The following TUSC3 variants were observed in gnomAD, a reference collection of about 807,000 sequenced individuals.
TUSC3 encodes dolichyl-diphosphooligosaccharide--protein glycosyltransferase subunit TUSC3.
A neutral mutation model predicts 44.8 loss-of-function variants in TUSC3; 45 were observed. The observed-to-expected ratio is 1.00, with a 90% CI of 0.79 to 1.29. The LOEUF is 1.29. TUSC3 is among the 50% of genes most tolerant of loss of function. The probability of loss-of-function intolerance (pLI) is 0.00; values close to 1 mark genes in which losing one functional copy is unlikely to be tolerated. For synonymous variants in TUSC3, 212 were observed against 152.9 expected (o/e 1.39, Z -2.85); for missense variants, 519 against 437.9 (o/e 1.19, Z -1.65).
At chr8:15,665,976 A>T (rs936951701) in intron 5 of TUSC3, among the ~76,000 whole-genome samples, 1 of 151,428 alleles carries the variant, frequency 6.6e-6, no homozygotes, top group African/African-American at 2.4e-5. Flanking sequence ...ATGGTGGACA[A>T]TAAGCATATA....
chr8:15,453,706 C>T (rs568702828), intron 1 of TUSC3, among the ~76,000 whole-genome samples: 1 of 152,266 alleles, frequency 6.6e-6, no homozygotes, highest in South Asian at 2.1e-4. Context: ...AGTATAATTA[C>T]ACAGAGAATT....
rs541339567 is a variant in TUSC3 at position 15,480,121 on chromosome 8, C to T, written n.92-3265C>T. ...AAGTGAAGGACCTCTTCAAAGAGAA[C>T]TAGGAAAGTAAAGGACCTATTCAAG... On this transcript the variant is annotated intron_variant and non_coding_transcript_variant, in intron 1 of 5. Coordinates refer to the TUSC3 transcript ENST00000503191. Among the ~76,000 whole-genome samples the T allele has an allele frequency of 9.9e-5, 15 of 152,226 alleles. No homozygotes were observed. In the South Asian group the frequency reaches 1.5e-3, roughly 15 times the overall value.
chr8:15,629,857 A>G (rs1035010941), intron 2 of TUSC3, among the ~76,000 whole-genome samples: 1 of 152,018 alleles, frequency 6.6e-6, no homozygotes. Context: ...CTTTTAGCAG[A>G]TAATTCTGCT....
At chr8:15,457,166 G>A (rs1222433797) in intron 1 of TUSC3, among the ~76,000 whole-genome samples, 10 of 130,992 alleles carry the variant, frequency 7.6e-5, no homozygotes, top group East Asian at 5.3e-4. Context: ...GGGGCCTGTT[G>A]TGAGGTGGGG....
intron 1 of TUSC3, among the ~76,000 whole-genome samples, chr8:15,615,997 C>T (rs1804970800): frequency 6.6e-6 from 1 of 152,002 alleles, no homozygotes; most frequent in South Asian, 2.1e-4. Flanking sequence ...AAGACTGGCT[C>T]ATTTAAAAAA....
intron 1 of TUSC3, among the ~76,000 whole-genome samples, chr8:15,611,423 G>A (rs530907455): frequency 2.6e-5 from 4 of 152,222 alleles, no homozygotes; most frequent in East Asian, 1.9e-4. Flanking sequence ...TCCTGACCTC[G>A]TGATCTGCCC....
At chr8:15,569,116 C>A (rs1335907755) in intron 1 of TUSC3, among the ~76,000 whole-genome samples, 1 of 152,074 alleles carries the variant, frequency 6.6e-6, no homozygotes, top group Non-Finnish European at 1.5e-5. Context: ...TCCTTTATTA[C>A]TGTATGATTA....
intron 1 of TUSC3, among the ~76,000 whole-genome samples, chr8:15,566,374 C>G (rs1385351485): frequency 6.6e-6 from 1 of 152,050 alleles, no homozygotes; most frequent in African/African-American, 2.4e-5. Context: ...AGGAAAACAA[C>G]TTTAAATCAT....
intron 1 of TUSC3, among the ~76,000 whole-genome samples, chr8:15,471,544 G>A (rs1256625288): frequency 6.6e-6 from 1 of 151,522 alleles, no homozygotes; most frequent in Non-Finnish European, 1.5e-5. Context: ...GGAAGAGAAT[G>A]AACATTCACA....
chr8:15,801,894 A>G, the TUSC3 span, among the ~76,000 whole-genome samples: 1 of 152,216 alleles, frequency 6.6e-6, no homozygotes, highest in African/African-American at 2.4e-5. Flanking sequence ...GAAATGGGAG[A>G]GAGGATTCAG....
At chr8:15,789,204 G>A in the TUSC3 span, among the ~76,000 whole-genome samples, 2 of 152,082 alleles carry the variant, frequency 1.3e-5, no homozygotes, top group East Asian at 1.9e-4. Flanking sequence ...CCACCGAGGC[G>A]GCTCATGTCA....
chr8:15,500,445 A>G (rs535148540), intron 2 of TUSC3, among the ~76,000 whole-genome samples: 3 of 152,164 alleles, frequency 2.0e-5, no homozygotes, highest in Non-Finnish European at 2.9e-5. Context: ...TTTTTAGTCA[A>G]TCGGAGATCT....
chr8:15,640,161 A>G (rs1315134711), intron 2 of TUSC3, among the ~76,000 whole-genome samples: 1 of 152,134 alleles, frequency 6.6e-6, no homozygotes, highest in Non-Finnish European at 1.5e-5. Context: ...GTAAGTTTGG[A>G]ATTTTGCCAC....
chr8:15,827,750 G>C, the TUSC3 span, among the ~76,000 whole-genome samples: 1 of 152,088 alleles, frequency 6.6e-6, no homozygotes, highest in Non-Finnish European at 1.5e-5. Flanking sequence ...GCCATACCCT[G>C]AGTCTCACTG....
Position 15,687,000 on chromosome 8 carries a change from G to A in TUSC3, c.798+13164G>A, listed in dbSNP as rs560061182. Among the ~76,000 whole-genome samples, 760 of 152,256 alleles carry A rather than the reference G, an allele frequency of 5.0e-3. 1 individual carries two copies. The highest frequency in any genetic ancestry group is 8.7e-3 in the Non-Finnish European group (591 of 68,020). On this transcript the variant is annotated intron_variant, in intron 6 of 10. Coordinates refer to ENST00000503731, the MANE Select transcript of TUSC3 (RefSeq NM_006765.4). ...AGGCAGGAGAATGGCCTGAACCCGG[G>A]AGGCGGAGCTTGCAGTGAGCCGAGA...
Position 15,471,860 on chromosome 8 carries a change from C to T in TUSC3, n.92-11526C>T, listed in dbSNP as rs139025570. On this transcript the variant is annotated intron_variant and non_coding_transcript_variant, in intron 1 of 5. Transcript: ENST00000503191. ...CTCGAACTCCTGACCTCAGGTGATC[C>T]ACCGACCCCTGCCTCCCAAAGTGCT... Among the ~76,000 whole-genome samples the T allele has an allele frequency of 2.0e-3, 304 of 152,142 alleles. 2 individuals carry two copies. The East Asian group carries it at 0.036, about 18-fold the overall frequency.
upstream of TUSC3, among the ~76,000 whole-genome samples, chr8:15,535,844 G>C (rs1801514777): frequency 6.6e-6 from 1 of 152,108 alleles, no homozygotes; most frequent in Non-Finnish European, 1.5e-5. Flanking sequence ...TCAGAGCCTT[G>C]ACCTGAATAA....
intron 2 of TUSC3, among the ~76,000 whole-genome samples, chr8:15,511,955 A>G (rs559622951): frequency 6.6e-6 from 1 of 152,202 alleles, no homozygotes; most frequent in Non-Finnish European, 1.5e-5. Flanking sequence ...ATTTATCTAT[A>G]GATTCAATAC....
intron 2 of TUSC3, among the ~76,000 whole-genome samples, chr8:15,519,806 A>G (rs866387185): frequency 2.0e-5 from 3 of 152,220 alleles, no homozygotes; most frequent in African/African-American, 7.2e-5. Flanking sequence ...ATCAAAGGCA[A>G]CTAGGTGCCT....
Sources: allele counts gnomAD v4.1 joint callset (sites outside exome capture counted in the v4.1 genomes callset), GRCh38; gene constraint gnomAD v4.1.1; transcripts MANE v1.5; gene names NCBI Gene and HGNC (gene_info 2026-07-23, HGNC 2026-07-21).